The following ZNF324B variants were observed in gnomAD, a reference collection of about 807,000 sequenced individuals.
ZNF324B encodes zinc finger protein 324B.
In ZNF324B, 7 loss-of-function variants were observed where a neutral mutation model predicts 10.6. That is an observed-to-expected ratio of 0.66 (90% confidence interval 0.38 to 1.24). The LOEUF (loss-of-function observed/expected upper bound fraction) is 1.24, where lower values mean the gene tolerates loss of function less well. Ranked by LOEUF, ZNF324B falls within the 50% of genes most tolerant of loss-of-function variation. ZNF324B has a pLI of 0.02. For synonymous variants in ZNF324B, 316 were observed against 321.0 expected, an observed-to-expected ratio of 0.98 and a Z score of 0.17; for missense variants, 640 against 764.7, an observed-to-expected ratio of 0.84 and a Z score of 1.92.
chr19:58,450,632 C>G (rs548804080), upstream of ZNF324B, among the ~76,000 whole-genome samples: 138 of 152,256 alleles, frequency 9.1e-4, 1 homozygote, highest in Middle Eastern at 0.01. Context: ...CTATAGGGAT[C>G]TACAAGTAGA....
At chr19:58,439,795 T>G in the ZNF324B span, 2 of 1,546,382 alleles carry the variant, frequency 1.3e-6, no homozygotes, top group Non-Finnish European at 1.7e-6. Context: ...GCAACCCCAT[T>G]AGAACCTGTG....
At chr19:58,420,215 G>A in the ZNF324B span, among the ~76,000 whole-genome samples, 1 of 152,038 alleles carries the variant, frequency 6.6e-6, no homozygotes, top group African/African-American at 2.4e-5. Flanking sequence ...TCAGGAGATC[G>A]AGACCATTCT....
In ZNF324B at chr19:58,454,566, A is replaced by G. The variant is rs1451049704; in HGVS notation, c.238+222A>G. 3 of 583,314 alleles carry G rather than the reference A, an allele frequency of 5.1e-6. No individual in the cohort carries two copies. In the African/African-American group the frequency reaches 5.6e-5, roughly 11 times the overall value. The allele number at this position is 583,314 out of a possible 1,614,324, so 36.1% of individuals were successfully genotyped here. A position where few individuals can be genotyped will look rare whatever the true frequency, so the allele number is the denominator to read the frequency against. On this transcript the variant is annotated intron_variant, in intron 3 of 3. Coordinates refer to ENST00000336614, the MANE Select transcript of ZNF324B (RefSeq NM_207395.3). ...GGTTCACACAGAAGGGCCTACCTTC[A>G]GCTGGGCTGTGTGGCCTTGAACCCT...
At chr19:58,446,841 C>T (rs1464816026), upstream of ZNF324B, among the ~76,000 whole-genome samples, 3 of 152,084 alleles carry the variant, frequency 2.0e-5, no homozygotes, top group East Asian at 5.8e-4. Context: ...TCCCAAAGTG[C>T]TGGGATTACA....
the ZNF324B span, chr19:58,439,627 G>C: frequency 1.1e-6 from 1 of 945,166 alleles, no homozygotes; most frequent in South Asian, 2.0e-5. Context: ...TCCCAGGGCA[G>C]GGCCCAGGAC....
chr19:58,429,878 G>A, the ZNF324B span: 14 of 152,366 alleles, frequency 9.2e-5, no homozygotes, highest in African/African-American at 3.4e-4. Flanking sequence ...AGGTGGCAGA[G>A]ATGAGACAGT....
At position 58,456,590 on chromosome 19, in the gene ZNF324B, C is replaced by T. The variant is rs780975950; in HGVS notation, c.*11C>T. ...CCAGCGAAGGTCTGAGGTCACAGGT[C>T]GCAGCCCAACCCTTTCTTGGCCTTC... On this transcript the variant is annotated 3_prime_UTR_variant, in exon 4 of 4. Coordinates refer to ENST00000336614, the MANE Select transcript of ZNF324B (RefSeq NM_207395.3). This position sits in a 1 kb window ranked among gnomAD's most constrained non-coding sequence, Gnocchi z 4.7. 9.3e-6 allele frequency: 15 copies of T among 1,609,304 alleles called. No homozygotes were observed. The highest frequency in any genetic ancestry group is 1.7e-5 in the Admixed American group (1 of 59,732).
the ZNF324B span, among the ~76,000 whole-genome samples, chr19:58,427,040 C>T: frequency 6.6e-6 from 1 of 152,208 alleles, no homozygotes; most frequent in Non-Finnish European, 1.5e-5. Context: ...TATACTGAGA[C>T]CCAGTCGGAG....
upstream of ZNF324B, among the ~76,000 whole-genome samples, chr19:58,448,089 A>G (rs1331498836): frequency 6.6e-6 from 1 of 152,210 alleles, no homozygotes; most frequent in African/African-American, 2.4e-5. Flanking sequence ...ACAGATGAAT[A>G]TAGTAAATTG....
the ZNF324B span, chr19:58,440,290 G>T: frequency 5.5e-6 from 1 of 180,428 alleles, no homozygotes. Flanking sequence ...CGTTGCCAAG[G>T]TGATTGAGGA....
chr19:58,427,320 T>TTTCTTTCTTTTCTTTCC, the ZNF324B span, among the ~76,000 whole-genome samples: 3 of 85,646 alleles, frequency 3.5e-5, no homozygotes, highest in Non-Finnish European at 6.1e-5. Flanking sequence ...TCTTTCTTTC[T>TTTCTTTCTTTTCTTTCC]TTCTTTCTTT....
At chr19:58,433,791 G>T in the ZNF324B span, 1 of 1,614,202 alleles carries the variant, frequency 6.2e-7, no homozygotes, top group South Asian at 1.1e-5. Context: ...TGTGAGCAAA[G>T]GCTTTCCCAC....
chr19:58,439,010 G>C, the ZNF324B span, among the ~76,000 whole-genome samples: 1 of 152,076 alleles, frequency 6.6e-6, no homozygotes, highest in Non-Finnish European at 1.5e-5. Context: ...CTGACCTCAA[G>C]TGATCTGGCC....
At chr19:58,445,590 G>A in the ZNF324B span, 4 of 451,004 alleles carry the variant, frequency 8.9e-6, no homozygotes, top group Non-Finnish European at 1.7e-5. Flanking sequence ...CTAAGGCAGG[G>A]GGATCACCTG....
the ZNF324B span, chr19:58,434,038 C>A: frequency 6.2e-7 from 1 of 1,614,180 alleles, no homozygotes; most frequent in Admixed American, 1.7e-5. Context: ...GGAGCTTTGG[C>A]TGAAGTCTCT....
chr19:58,433,560 T>C, the ZNF324B span: 1 of 1,614,112 alleles, frequency 6.2e-7, no homozygotes, highest in Non-Finnish European at 8.5e-7. Flanking sequence ...ATTCACTGCA[T>C]TCGTAAGGCC....
rs1388435149 is a variant in ZNF324B, at chr19:58,454,232, C to T, written c.126C>T (p.Leu42=). Residue 42 remains leucine, a synonymous_variant, in exon 3 of 4, where the codon CTC becomes CTT. Transcript: ENST00000336614. ...ENFTLVTSLG[L]STSRPRVVIQ... Reference sequence around the variant, plus strand: ...CTCACCTGCTCCTCCTCACAGGACTCTCTACCTCCCGACCTCGTGTGGTCA... The same window carrying T: ...CTCACCTGCTCCTCCTCACAGGACTTTCTACCTCCCGACCTCGTGTGGTCA... 4 of 1,613,192 alleles carry T rather than the reference C, an allele frequency of 2.5e-6. No individual in the cohort carries two copies. In the Admixed American group the frequency reaches 6.7e-5, roughly 27 times the overall value.
the ZNF324B span, chr19:58,430,410 A>G: frequency 2.0e-5 from 3 of 152,264 alleles, no homozygotes; most frequent in Admixed American, 2.0e-4. Flanking sequence ...GTTACACAGC[A>G]ATAGGTAACT....
chr19:58,457,320 C>G lies in ZNF324B; in HGVS notation c.*741C>G, dbSNP rs2052932561. The G allele has an allele frequency of 6.6e-6, 1 of 152,584 alleles. No individual in the cohort carries two copies. Among genetic ancestry groups the G allele is most frequent in the Non-Finnish European group, 1.5e-5 (1 of 68,114 alleles). 9.5% of individuals were successfully genotyped at this position (152,584 alleles called of 1,614,324 possible). A position where few individuals can be genotyped will look rare whatever the true frequency, so the allele number is the denominator to read the frequency against. Reference sequence around the variant, plus strand: ...CCCATGGTTCTCAGCATTGGAAGGACAAACCTAGGATGATGGCTTTCCAGT... The same window carrying G: ...CCCATGGTTCTCAGCATTGGAAGGAGAAACCTAGGATGATGGCTTTCCAGT... On this transcript the variant is annotated 3_prime_UTR_variant, in exon 4 of 4. Transcript: ENST00000336614.
Sources: allele counts gnomAD v4.1 joint callset (sites outside exome capture counted in the v4.1 genomes callset), GRCh38; gene constraint gnomAD v4.1.1; non-coding constraint Gnocchi (gnomAD v3.1); transcripts MANE v1.5; gene names NCBI Gene and HGNC (gene_info 2026-07-23, HGNC 2026-07-21).